AK4: variants seen among roughly 807,000 people sequenced by gnomAD.
AK4 encodes adenylate kinase 4, also known as adenylate kinase 4, mitochondrial.
A neutral mutation model predicts 24.6 loss-of-function variants in AK4; 13 were observed. The ratio of observed to expected loss-of-function variants is 0.53; its 90% CI spans 0.34 to 0.84. The LOEUF (loss-of-function observed/expected upper bound fraction) is 0.84, where lower values mean the gene tolerates loss of function less well. AK4 is among the 40% of genes least tolerant of loss of function. The pLI is 0.01. For missense variants in AK4, 192 were observed against 288.2 expected (o/e 0.67, Z 2.42); for synonymous variants, 88 against 107.0 (o/e 0.82, Z 1.10).
rs545416505 is a variant in AK4, at chr1:65,212,066, C to T, written c.266-6688C>T. On this transcript the variant is annotated intron_variant, in intron 2 of 4. Coordinates refer to ENST00000327299, the MANE Select transcript of AK4 (RefSeq NM_013410.4). ...ACCTGCTTGAGAGCTGCAAGGATGC[C>T]GGTATGGCTGGCACGGAGACGTGGA... Among the ~76,000 whole-genome samples the T allele has an allele frequency of 5.3e-5, 8 of 152,124 alleles. No homozygotes were observed. In the South Asian group the frequency reaches 1.2e-3, roughly 24 times the overall value.
At chr1:65,210,175 C>T (rs74080340) in intron 2 of AK4, among the ~76,000 whole-genome samples, 515 of 152,248 alleles carry the variant, frequency 3.4e-3, no homozygotes, top group Middle Eastern at 0.01. Context: ...TTATGTCTAA[C>T]CAGAGTGAGA....
chr1:65,195,611 C>A (rs74080332), intron 2 of AK4, among the ~76,000 whole-genome samples: 504 of 152,194 alleles, frequency 3.3e-3, no homozygotes, highest in Middle Eastern at 0.01. Context: ...GACTTGAATC[C>A]CCGCTCTGCC....
At chr1:65,189,911 T>G (rs904823921) in intron 1 of AK4, among the ~76,000 whole-genome samples, 5 of 152,224 alleles carry the variant, frequency 3.3e-5, no homozygotes, top group Admixed American at 6.5e-5. Flanking sequence ...TTCCATCTGC[T>G]TATATTGAGG....
At chr1:65,192,971 T>C (rs2101044406) in intron 2 of AK4, among the ~76,000 whole-genome samples, 1 of 152,294 alleles carries the variant, frequency 6.6e-6, no homozygotes, top group East Asian at 1.9e-4. Context: ...ACTCAGCAGC[T>C]CTCATGGGTT....
intron 1 of AK4, among the ~76,000 whole-genome samples, chr1:65,186,259 C>T (rs1475023820): frequency 6.6e-6 from 1 of 152,138 alleles, no homozygotes; most frequent in Non-Finnish European, 1.5e-5. Context: ...CCTTAGCCTC[C>T]CAAGTAGCTG....
intron 4 of AK4, among the ~76,000 whole-genome samples, chr1:65,225,192 C>T (rs1161467372): frequency 6.6e-6 from 1 of 152,134 alleles, no homozygotes; most frequent in Non-Finnish European, 1.5e-5. Context: ...TATGTTGATA[C>T]TCCCACATAT....
At chr1:65,178,950 A>G (rs1181663267) in intron 1 of AK4, among the ~76,000 whole-genome samples, 1 of 152,214 alleles carries the variant, frequency 6.6e-6, no homozygotes. Flanking sequence ...CTACAAGCCA[A>G]GGAACACACT....
intron 3 of AK4, among the ~76,000 whole-genome samples, chr1:65,219,412 G>A (rs1652229589): frequency 6.6e-6 from 1 of 152,036 alleles, no homozygotes; most frequent in African/African-American, 2.4e-5. Flanking sequence ...AGCAGGTTAG[G>A]TCATGTATAG....
intron 2 of AK4, among the ~76,000 whole-genome samples, chr1:65,202,981 T>G (rs1651709807): frequency 6.8e-6 from 1 of 146,904 alleles, no homozygotes; most frequent in Non-Finnish European, 1.5e-5. Flanking sequence ...TGATTGATCC[T>G]CCCATCTCAG....
intron 3 of AK4, among the ~76,000 whole-genome samples, chr1:65,219,999 A>G (rs1652249541): frequency 6.6e-6 from 1 of 152,204 alleles, no homozygotes; most frequent in Non-Finnish European, 1.5e-5. Context: ...ATCATATAGT[A>G]TATCTACTTA....
intron 1 of AK4, among the ~76,000 whole-genome samples, chr1:65,175,047 G>T (rs899368743): frequency 2.6e-5 from 4 of 152,058 alleles, no homozygotes; most frequent in Admixed American, 1.3e-4. Context: ...CTCTTTTTGT[G>T]TGCCACTTTT....
chr1:65,211,198 C>T (rs1054667708), intron 2 of AK4, among the ~76,000 whole-genome samples: 3 of 152,058 alleles, frequency 2.0e-5, no homozygotes, highest in Admixed American at 2.0e-4. Flanking sequence ...CAGCCTAGGG[C>T]ACAAACCAAG....
chr1:65,188,242 G>C (rs1190110771), intron 1 of AK4, among the ~76,000 whole-genome samples: 4 of 151,858 alleles, frequency 2.6e-5, no homozygotes, highest in Non-Finnish European at 5.9e-5. Context: ...TAAAAATACA[G>C]AAATTAGTTG....
intron 2 of AK4, among the ~76,000 whole-genome samples, chr1:65,195,715 C>CT: frequency 6.6e-6 from 1 of 152,252 alleles, no homozygotes; most frequent in African/African-American, 2.4e-5. Flanking sequence ...ATGTAAAGTG[C>CT]TTAAAAGAGT....
At chr1:65,161,124 A>T (rs1413773543) in intron 1 of AK4, among the ~76,000 whole-genome samples, 3 of 151,966 alleles carry the variant, frequency 2.0e-5, no homozygotes, top group Admixed American at 2.0e-4. Flanking sequence ...CTAAAAAAGG[A>T]AGCACTGACT....
chr1:65,161,060 GA>G (rs150928115), intron 1 of AK4, among the ~76,000 whole-genome samples: 100 of 152,186 alleles, frequency 6.6e-4, no homozygotes, highest in African/African-American at 2.3e-3. Context: ...AGGATAGAGG[GA>G]TGTACTTTTT....
At chr1:65,221,438 T>A (rs975761443) in intron 3 of AK4, among the ~76,000 whole-genome samples, 2 of 152,172 alleles carry the variant, frequency 1.3e-5, no homozygotes, top group African/African-American at 2.4e-5. Flanking sequence ...AGTCTTCTTT[T>A]AAAAATGTAA....
intron 2 of AK4, among the ~76,000 whole-genome samples, chr1:65,195,452 G>T (rs1248421094): frequency 6.6e-6 from 1 of 152,182 alleles, no homozygotes; most frequent in Non-Finnish European, 1.5e-5. Context: ...TTTTTAAATT[G>T]TGAGTCTTCT....
intron 1 of AK4, among the ~76,000 whole-genome samples, chr1:65,177,737 C>A (rs138300363): frequency 1.1e-3 from 163 of 152,242 alleles, no homozygotes; most frequent in Non-Finnish European, 1.6e-3. Flanking sequence ...AGAGATCAGG[C>A]TTGGGATCCA....
Sources: allele counts gnomAD v4.1 joint callset (sites outside exome capture counted in the v4.1 genomes callset), GRCh38; gene constraint gnomAD v4.1.1; transcripts MANE v1.5; gene names NCBI Gene and HGNC (gene_info 2026-07-23, HGNC 2026-07-21).